Variants in KCNG4 observed in about 807,000 individuals in gnomAD.
KCNG4 encodes potassium voltage-gated channel modifier subfamily G member 4, also known as voltage-gated potassium channel regulatory subunit KCNG4.
In KCNG4, 30 loss-of-function variants were observed where a neutral mutation model predicts 28.2. That is an observed-to-expected ratio of 1.06 (90% CI 0.80 to 1.44). The LOEUF (loss-of-function observed/expected upper bound fraction) is 1.44. Ranked by LOEUF, KCNG4 falls within the 40% of genes most tolerant of loss-of-function variation. KCNG4 has a pLI of 0.00. For missense variants in KCNG4, 879 were observed against 712.3 expected, an observed-to-expected ratio of 1.23 and a Z score of -2.66; for synonymous variants, 375 against 315.5, an observed-to-expected ratio of 1.19 and a Z score of -2.00.
At position 84,236,875 on chromosome 16, in the gene KCNG4, A is replaced by T; in HGVS notation, c.611T>A (p.Met204Lys). The change falls in exon 2 of 3, where the codon ATG becomes AAG. Residue 204 changes from methionine to lysine, a missense_variant. Coordinates refer to ENST00000308251, the MANE Select transcript of KCNG4 (RefSeq NM_172347.3). The stretch of plus-strand genomic sequence containing the variant: ...TTCCACCATCTCGCGCAGCCGGTTC[A>T]TGCACAGGCCCCAGCGCGAGGAGTG... Reference protein sequence around the residue: ...ASHSSRWGLCMNRLREMVENP... With the variant: ...ASHSSRWGLCKNRLREMVENP... 6.2e-7 allele frequency: 1 copy of T among 1,613,578 alleles called. No homozygotes were observed. Among genetic ancestry groups the T allele is most frequent in the East Asian group, 2.2e-5 (1 of 44,868 alleles).
At chr16:84,231,968 C>G (rs1045854366) in intron 2 of KCNG4, among the ~76,000 whole-genome samples, 1 of 144,214 alleles carries the variant, frequency 6.9e-6, no homozygotes, top group African/African-American at 2.6e-5. Flanking sequence ...CACACCACTG[C>G]ACTCCAACCT....
In KCNG4 at chr16:84,219,842, C is replaced by T. The variant is rs1371623435; in HGVS notation, c.*2375G>A. The T allele has an allele frequency of 6.6e-6, 1 of 151,994 alleles. No individual in the cohort carries two copies. The highest frequency in any genetic ancestry group is 2.4e-5 in the African/African-American group (1 of 41,358). 9.4% of individuals were successfully genotyped at this position (151,994 alleles called of 1,614,324 possible). A position where few individuals can be genotyped will look rare whatever the true frequency, so the allele number is the denominator to read the frequency against. On this transcript the variant is annotated 3_prime_UTR_variant, in exon 3 of 3. Transcript: ENST00000308251. Reference sequence around the variant, plus strand: ...TCACCTGACATCAGGAGTTCAAGACCAGCCTGTCCACATGGTGAAACCTTG... The same window carrying T: ...TCACCTGACATCAGGAGTTCAAGACTAGCCTGTCCACATGGTGAAACCTTG...
chr16:84,234,861 G>C (rs915979435), intron 2 of KCNG4, among the ~76,000 whole-genome samples: 5 of 152,102 alleles, frequency 3.3e-5, no homozygotes, highest in African/African-American at 7.2e-5. Context: ...TCACCGTCTT[G>C]GGAGAACAAA....
chr16:84,236,600 C>G (rs1904955450), intron 2 of KCNG4, 130 bp downstream of exon 2: 1 of 1,022,092 alleles, frequency 9.8e-7, no homozygotes, highest in Admixed American at 2.9e-5. Context: ...TGAATATAAC[C>G]CATGTTGGAT....
intron 2 of KCNG4, chr16:84,235,717 A>G (rs1904931070): frequency 6.6e-6 from 1 of 152,234 alleles, no homozygotes; most frequent in African/African-American, 2.4e-5. Context: ...GGCAACTGTT[A>G]GGAGCCAAAT....
chr16:84,221,981 T>C lies in KCNG4; in HGVS notation c.*236A>G. ...CTCCAGCAAGATTGGACATGCTCAG[T>C]AGATGGGCAGAGAGAGGAAAAGGCA... On this transcript the variant is annotated 3_prime_UTR_variant, in exon 3 of 3. Coordinates refer to ENST00000308251, the MANE Select transcript of KCNG4 (RefSeq NM_172347.3). 1 of 554,558 alleles carries C rather than the reference T, an allele frequency of 1.8e-6. No individual in the cohort carries two copies. The highest frequency in any genetic ancestry group is 3.2e-6 in the Non-Finnish European group (1 of 311,238). The allele number at this position is 554,558 out of a possible 1,614,324, so 34.4% of individuals were successfully genotyped here.
rs894498549 is a variant in KCNG4 at position 84,226,038 on chromosome 16, G to C, written c.757-3018C>G. Among the ~76,000 whole-genome samples, 1 of 152,230 alleles carries C rather than the reference G, an allele frequency of 6.6e-6. No individual in the cohort carries two copies. Among genetic ancestry groups the C allele is most frequent in the Non-Finnish European group, 1.5e-5 (1 of 68,040 alleles). On this transcript the variant is annotated intron_variant, in intron 2 of 2. Transcript: ENST00000308251. The surrounding 1 kb of genome is among the most constrained non-coding windows in gnomAD (Gnocchi z 4.1). ...TCCTTTCTCCCTTTGTGGAAGTTCTGTGCTTAAACCCAGAAAGTTCCGGGT... is the reference window on the plus strand; with the variant it reads ...TCCTTTCTCCCTTTGTGGAAGTTCTCTGCTTAAACCCAGAAAGTTCCGGGT...
Position 84,236,843 on chromosome 16 carries a change from GC to G in KCNG4, c.642del (p.Gln215SerfsTer81). 3 of 1,613,646 alleles carry G rather than the reference GC, an allele frequency of 1.9e-6. No individual in the cohort carries two copies. The highest frequency in any genetic ancestry group is 2.5e-6 in the Non-Finnish European group (3 of 1,180,032). On this transcript the variant is annotated frameshift_variant, in exon 2 of 3. Transcript: ENST00000308251. LOFTEE classifies it high-confidence loss of function. The part of the protein sequence containing the change: ...MNRLREMVEN[P>X]QSGLPGKVFA... ...AAGACCTTCCCGGGCAGCCCGGACT[GC>G]GGGTTTTCCACCATCTCGCGCAGCC...
intron 2 of KCNG4, among the ~76,000 whole-genome samples, chr16:84,228,100 C>T (rs1271906758): frequency 6.6e-6 from 1 of 152,222 alleles, no homozygotes; most frequent in African/African-American, 2.4e-5. Context: ...CTGGCCCTCA[C>T]CTGTTTCACG....
chr16:84,228,852 C>T (rs1466894410), intron 2 of KCNG4, among the ~76,000 whole-genome samples: 3 of 152,262 alleles, frequency 2.0e-5, no homozygotes, highest in East Asian at 1.9e-4. Flanking sequence ...CCCAAATCTA[C>T]GCTGCTTCTC....
At chr16:84,223,974 G>T (rs1904638562) in intron 2 of KCNG4, among the ~76,000 whole-genome samples, 1 of 152,166 alleles carries the variant, frequency 6.6e-6, no homozygotes, top group South Asian at 2.1e-4. Flanking sequence ...AGTTCCAGCT[G>T]GGCGGGGGCC....
chr16:84,224,928 C>T (rs910498875), intron 2 of KCNG4, among the ~76,000 whole-genome samples: 1 of 152,202 alleles, frequency 6.6e-6, no homozygotes, highest in Non-Finnish European at 1.5e-5. Flanking sequence ...CAGAGCCTAG[C>T]GCAGTTTCAA....
At chr16:84,229,804 T>G (rs1198782811) in intron 2 of KCNG4, among the ~76,000 whole-genome samples, 2 of 152,124 alleles carry the variant, frequency 1.3e-5, no homozygotes, top group African/African-American at 4.8e-5. Context: ...GAATATTGCT[T>G]CTTGGCTGGG....
chr16:84,234,276 G>A (rs796294542), intron 2 of KCNG4, among the ~76,000 whole-genome samples: 4 of 152,246 alleles, frequency 2.6e-5, no homozygotes, highest in Admixed American at 1.3e-4. Flanking sequence ...GGGTTCAAGC[G>A]ATTCTCCTGC....
rs565307142 is a variant in KCNG4 at position 84,238,799 on chromosome 16, C to T, written c.-41+871G>A. Among the ~76,000 whole-genome samples, 29 of 152,128 alleles carry T rather than the reference C, an allele frequency of 1.9e-4. 1 individual carries two copies. The highest frequency in any genetic ancestry group is 6.7e-4 in the African/African-American group (28 of 41,494). On this transcript the variant is annotated intron_variant, in intron 1 of 2. Transcript: ENST00000308251. ...AGGAGAATCGCTTGAACCCGGGAGG[C>T]GGAGGCTGCAGTAAGCCGAGATTGC...
chr16:84,237,740 C>A (rs968104820), intron 1 of KCNG4, among the ~76,000 whole-genome samples: 2 of 152,188 alleles, frequency 1.3e-5, no homozygotes, highest in South Asian at 2.1e-4. Context: ...CCTGGTGGAA[C>A]CTCTACCGAC....
chr16:84,228,849 C>T (rs1904758362), intron 2 of KCNG4, among the ~76,000 whole-genome samples: 1 of 152,274 alleles, frequency 6.6e-6, no homozygotes, highest in South Asian at 2.1e-4. Flanking sequence ...CTTCCCAAAT[C>T]TACGCTGCTT....
intron 2 of KCNG4, 104 bp downstream of exon 2, chr16:84,236,626 C>T (rs1049656720): frequency 1.8e-5 from 21 of 1,167,226 alleles, no homozygotes; most frequent in African/African-American, 4.7e-5. Context: ...TCATTTTTTT[C>T]TTCTTATTTT....
chr16:84,222,991 A>AATATAGT lies in KCNG4; in HGVS notation c.779_785dup (p.Phe263LeufsTer54), dbSNP rs745494055. The AATATAGT allele has an allele frequency of 6.5e-7, 1 of 1,539,296 alleles. No homozygotes were observed. Among genetic ancestry groups the AATATAGT allele is most frequent in the Non-Finnish European group, 8.8e-7 (1 of 1,142,090 alleles). On this transcript the variant is annotated frameshift_variant, in exon 3 of 3. Coordinates refer to ENST00000308251, the MANE Select transcript of KCNG4 (RefSeq NM_172347.3). LOFTEE classifies it high-confidence loss of function. Reference sequence around the variant, plus strand: ...CCACGCAGATGGTCTCCACGATGAAAATATAGTAGCACTTCCGAGAGCATT... The same window carrying AATATAGT: ...CCACGCAGATGGTCTCCACGATGAAAATATAGTATATAGTAGCACTTCCGAGAGCATT...
Sources: gnomAD v4.1 joint callset for allele counts (sites outside exome capture counted in the v4.1 genomes callset) on GRCh38, gnomAD v4.1.1 for gene constraint, Gnocchi (gnomAD v3.1) non-coding constraint, MANE v1.5 for transcripts, NCBI Gene and HGNC (gene_info 2026-07-23, HGNC 2026-07-21) for gene names.